Variants in FRMD4A observed in about 807,000 individuals in gnomAD.
FRMD4A encodes the protein FERM domain-containing protein 4A.
Under a neutral mutation model 129.1 loss-of-function variants are expected in FRMD4A, and 29 were observed. The observed-to-expected ratio is 0.22, with a 90% CI of 0.17 to 0.31. The LOEUF is 0.31. FRMD4A is among the 10% of genes least tolerant of loss of function. The pLI, the probability that FRMD4A is intolerant of heterozygous loss-of-function variation, is 1.00. For synonymous variants in FRMD4A, 634 were observed against 571.6 expected (o/e 1.11, Z -1.56); for missense variants, 1,272 against 1,375.8 (o/e 0.92, Z 1.19).
At chr10:14,286,805 G>C (rs1845693857) in intron 2 of FRMD4A, among the ~76,000 whole-genome samples, 1 of 152,016 alleles carries the variant, frequency 6.6e-6, no homozygotes, top group Admixed American at 6.6e-5. Flanking sequence ...TTTGAAGGCA[G>C]GGATGACACC....
chr10:13,656,175 T>C (rs2082124828), intron 22 of FRMD4A, among the ~76,000 whole-genome samples: 1 of 152,150 alleles, frequency 6.6e-6, no homozygotes, highest in Non-Finnish European at 1.5e-5. Context: ...TCTGCCCCCA[T>C]CTGGGGAGAC....
rs573122676 is a variant in FRMD4A, at chr10:14,307,789, G to GA, written c.45+22268dup. Among the ~76,000 whole-genome samples the GA allele has an allele frequency of 1.4e-3, 211 of 152,264 alleles. 2 individuals are homozygous for GA. The highest frequency in any genetic ancestry group is 4.9e-3 in the African/African-American group (205 of 41,542). On this transcript the variant is annotated intron_variant, in intron 2 of 24. Coordinates refer to ENST00000357447, the MANE Select transcript of FRMD4A (RefSeq NM_018027.5). ...TCACCGAGCTCCACGAACGATAAGG[G>GA]AATCAGTCTTAAAAGAGCCGCGAGT...
intron 12 of FRMD4A, among the ~76,000 whole-genome samples, chr10:13,717,637 A>G (rs2088945378): frequency 9.5e-6 from 1 of 105,040 alleles, no homozygotes; most frequent in Non-Finnish European, 1.9e-5. Context: ...TTTTTTTTTT[A>G]ATCAGGGTTT....
intron 2 of FRMD4A, among the ~76,000 whole-genome samples, chr10:14,094,132 A>G (rs1453473002): frequency 6.6e-6 from 1 of 152,256 alleles, no homozygotes; most frequent in Non-Finnish European, 1.5e-5. Context: ...TCAGGTGAGC[A>G]ACTTCTGACA....
intron 23 of FRMD4A, chr10:13,652,329 A>C (rs531735308): frequency 2.3e-5 from 7 of 305,852 alleles, no homozygotes; most frequent in African/African-American, 1.5e-4. Context: ...TCTTAAGTGC[A>C]TAGGACCCTG....
intron 2 of FRMD4A, among the ~76,000 whole-genome samples, chr10:14,135,845 T>C (rs1359125522): frequency 6.6e-6 from 1 of 152,220 alleles, no homozygotes; most frequent in African/African-American, 2.4e-5. Flanking sequence ...TTGGACTGAA[T>C]ACAATGGTCA....
At chr10:13,719,666 G>A (rs1458956683) in intron 12 of FRMD4A, among the ~76,000 whole-genome samples, 1 of 152,128 alleles carries the variant, frequency 6.6e-6, no homozygotes, top group Non-Finnish European at 1.5e-5. Context: ...GGGAAAAAAA[G>A]CCTTACACAG....
intron 15 of FRMD4A, among the ~76,000 whole-genome samples, chr10:13,689,730 T>TC (rs1201419169): frequency 8.6e-6 from 1 of 115,984 alleles, no homozygotes; most frequent in African/African-American, 4.0e-5. Context: ...ATTAAGAAGA[T>TC]TTTTTTTTTT....
chr10:14,326,857 T>C (rs1287670343), intron 2 of FRMD4A: 3 of 398,536 alleles, frequency 7.5e-6, no homozygotes, highest in Non-Finnish European at 1.3e-5. Context: ...AGTATCTTCT[T>C]TCGCTGCCTG....
At chr10:13,859,586 A>T (rs537178532) in intron 2 of FRMD4A, among the ~76,000 whole-genome samples, 2 of 152,204 alleles carry the variant, frequency 1.3e-5, no homozygotes, top group Non-Finnish European at 2.9e-5. Context: ...TTATTCTTCC[A>T]TTCAATAATT....
chr10:14,020,004 T>C (rs538095485), intron 2 of FRMD4A, among the ~76,000 whole-genome samples: 1 of 152,302 alleles, frequency 6.6e-6, no homozygotes, highest in South Asian at 2.1e-4. Flanking sequence ...GAGAAGCATT[T>C]TAAATCTTCT....
At chr10:14,032,795 G>T (rs926579929) in intron 2 of FRMD4A, among the ~76,000 whole-genome samples, 1 of 152,148 alleles carries the variant, frequency 6.6e-6, no homozygotes, top group African/African-American at 2.4e-5. Context: ...GATAAAAGGC[G>T]GGGGACATCC....
intron 2 of FRMD4A, chr10:13,866,195 C>T (rs938454510): frequency 2.9e-5 from 12 of 411,218 alleles, no homozygotes; most frequent in Non-Finnish European, 3.9e-5. Context: ...AAATGCTATC[C>T]TTTAAAACTT....
intron 2 of FRMD4A, among the ~76,000 whole-genome samples, chr10:14,141,567 CT>C (rs1455547946): frequency 4.3e-5 from 5 of 116,856 alleles, no homozygotes; most frequent in Non-Finnish European, 9.0e-5. Flanking sequence ...CCTTCTGCCC[CT>C]AACCCCTTCT....
chr10:13,851,106 C>G (rs141716722), intron 3 of FRMD4A, among the ~76,000 whole-genome samples: 8 of 152,290 alleles, frequency 5.3e-5, no homozygotes, highest in East Asian at 1.9e-4. Context: ...CCCAGCAACT[C>G]TGGAGGCTGA....
At chr10:13,973,542 C>T (rs1364681876) in intron 2 of FRMD4A, among the ~76,000 whole-genome samples, 1 of 152,064 alleles carries the variant, frequency 6.6e-6, no homozygotes, top group Non-Finnish European at 1.5e-5. Flanking sequence ...GAATAATCAC[C>T]CTAAGGCAAA....
intron 15 of FRMD4A, among the ~76,000 whole-genome samples, chr10:13,680,222 C>T (rs948060404): frequency 6.6e-6 from 1 of 152,010 alleles, no homozygotes; most frequent in Admixed American, 6.6e-5. Flanking sequence ...TTTGGGAGGC[C>T]AAGGAGGGAG....
At chr10:13,774,286 T>C (rs919377291) in intron 6 of FRMD4A, among the ~76,000 whole-genome samples, 1 of 152,260 alleles carries the variant, frequency 6.6e-6, no homozygotes, top group Middle Eastern at 3.4e-3. Flanking sequence ...GAGAGGGGCG[T>C]CTGCTGTGGC....
chr10:13,912,146 C>T (rs1378324756), intron 2 of FRMD4A, among the ~76,000 whole-genome samples: 1 of 152,008 alleles, frequency 6.6e-6, no homozygotes, highest in Non-Finnish European at 1.5e-5. Flanking sequence ...GACAATGAAC[C>T]CTTTATATTA....
Sources: allele counts gnomAD v4.1 joint callset (sites outside exome capture counted in the v4.1 genomes callset), GRCh38; gene constraint gnomAD v4.1.1; transcripts MANE v1.5; gene names NCBI Gene and HGNC (gene_info 2026-07-23, HGNC 2026-07-21).